Variants in TIMM23B observed in about 807,000 individuals in gnomAD.
The protein encoded by TIMM23B is translocase of inner mitochondrial membrane 23 homolog B.
A neutral mutation model predicts 27.3 loss-of-function variants in TIMM23B; 27 were observed. The observed-to-expected ratio is 0.99, with a 90% CI of 0.73 to 1.36. TIMM23B has a LOEUF of 1.36. Among genes scored for constraint, TIMM23B ranks in the 40% most tolerant of loss-of-function variants. TIMM23B has a pLI of 0.00. For synonymous variants in TIMM23B, 73 were observed against 92.4 expected, an observed-to-expected ratio of 0.79 and a Z score of 1.21; for missense variants, 205 against 244.2, an observed-to-expected ratio of 0.84 and a Z score of 1.07.
At chr10:49,959,993 C>G (rs1341963144) in intron 6 of TIMM23B, among the ~76,000 whole-genome samples, 10,500 of 151,282 alleles carry the variant, frequency 0.069, 515 homozygotes, top group African/African-American at 0.12. Flanking sequence ...AGGTGATCCA[C>G]CCTCCTCAGC....
At chr10:49,944,993 A>T in intron 1 of TIMM23B, 39 bp from the exon 2 acceptor site, 1 of 1,568,608 alleles carries the variant, frequency 6.4e-7, no homozygotes, top group Non-Finnish European at 8.8e-7. Flanking sequence ...ATTAACTTAA[A>T]GAATTTTGTT....
intron 2 of TIMM23B, among the ~76,000 whole-genome samples, chr10:49,948,539 A>G (rs1175373156): frequency 1.3e-5 from 2 of 152,246 alleles, no homozygotes; most frequent in African/African-American, 4.8e-5. Flanking sequence ...TTGGTAATAA[A>G]AAAAGAACTA....
chr10:49,950,204 T>C (rs1478528725), intron 2 of TIMM23B, among the ~76,000 whole-genome samples: 33 of 150,008 alleles, frequency 2.2e-4, no homozygotes, highest in African/African-American at 7.3e-4. Flanking sequence ...TTTTTTCTTT[T>C]TTTTTTTTTT....
intron 3 of TIMM23B, 56 bp from the exon 4 acceptor site, chr10:49,952,393 G>GT (rs1839561100): frequency 4.0e-4 from 614 of 1,528,988 alleles, no homozygotes; most frequent in African/African-American, 1.3e-3. Context: ...GCAGTTTTGA[G>GT]GTTTTTTTTT....
intron 6 of TIMM23B, among the ~76,000 whole-genome samples, chr10:49,961,531 T>G (rs1460068584): frequency 6.6e-6 from 1 of 152,046 alleles, no homozygotes; most frequent in African/African-American, 2.4e-5. Context: ...TGTCCTGGGC[T>G]CCCTCACCAC....
chr10:49,961,636 G>C lies in TIMM23B; in HGVS notation c.514+3156G>C, dbSNP rs1363011842. Among the ~76,000 whole-genome samples, 331 of 150,834 alleles carry C rather than the reference G, an allele frequency of 2.2e-3. 2 individuals carry two copies. The highest frequency in any genetic ancestry group is 7.8e-3 in the African/African-American group (320 of 41,040). Reference sequence around the variant, plus strand: ...TTTTTTTGAGTTGCGGTCTTGCTCTGTCACCCAGGCTAAAGTGCAGTGGTG... The same window carrying C: ...TTTTTTTGAGTTGCGGTCTTGCTCTCTCACCCAGGCTAAAGTGCAGTGGTG... On this transcript the variant is annotated intron_variant, in intron 6 of 6. Transcript: ENST00000651259.
Position 49,973,071 on chromosome 10 carries a change from C to A in TIMM23B, c.*7C>A, listed in dbSNP as rs1554856881. ...GCTGCTGTCTGGCTCCTGAACCCAG[C>A]TGTAGAGGTGTGTGTCAATCCCAAC... On this transcript the variant is annotated 3_prime_UTR_variant, in exon 7 of 7. Transcript: ENST00000651259. 2 of 1,533,198 alleles carry A rather than the reference C, an allele frequency of 1.3e-6. No individual in the cohort carries two copies. Among genetic ancestry groups the A allele is most frequent in the East Asian group, 4.9e-5 (2 of 40,916 alleles). The allele number at this position is 1,533,198 out of a possible 1,614,324, so 95.0% of individuals were successfully genotyped here. A position where few individuals can be genotyped will look rare whatever the true frequency, so the allele number is the denominator to read the frequency against.
chr10:49,974,438 T>A lies in TIMM23B; in HGVS notation c.*1374T>A, dbSNP rs2132080185. 1 of 149,178 alleles carries A rather than the reference T, an allele frequency of 6.7e-6. No individual in the cohort carries two copies. The highest frequency in any genetic ancestry group is 2.5e-5 in the African/African-American group (1 of 40,578). The allele number at this position is 149,178 out of a possible 1,614,324, so 9.2% of individuals were successfully genotyped here. ...ATCCATGTTTTTCCAAGTCTTACAG[T>A]AGAAAGGGTAAATGCAGCCCTCACA... On this transcript the variant is annotated 3_prime_UTR_variant, in exon 7 of 7. Coordinates refer to ENST00000651259, the MANE Select transcript of TIMM23B (RefSeq NM_001290117.2).
chr10:49,969,605 A>C (rs1363640346), intron 6 of TIMM23B, among the ~76,000 whole-genome samples: 7 of 151,608 alleles, frequency 4.6e-5, no homozygotes, highest in African/African-American at 1.7e-4. Flanking sequence ...AGGTGGGAAG[A>C]TCACTTGAGC....
intron 2 of TIMM23B, among the ~76,000 whole-genome samples, chr10:49,946,269 A>G (rs1299179435): frequency 1.2e-4 from 18 of 150,940 alleles, no homozygotes; most frequent in African/African-American, 4.2e-4. Flanking sequence ...AGCTAACATA[A>G]TTTAATGGTG....
At chr10:49,955,697 G>A (rs1839693778) in intron 5 of TIMM23B, among the ~76,000 whole-genome samples, 1 of 152,162 alleles carries the variant, frequency 6.6e-6, no homozygotes, top group Non-Finnish European at 1.5e-5. Context: ...GAACTTAGTT[G>A]AAAATCTCAA....
In TIMM23B at chr10:49,958,481, G is replaced by A. The variant is rs1364092682; in HGVS notation, c.514+1G>A. ...ACAGGCATGTTGTATAAATGTACAG[G>A]TGAGTACTGTTGAATGGGGAGCCAT... On this transcript the variant is annotated splice_donor_variant, in intron 6 of 6. Transcript: ENST00000651259. LOFTEE classifies it high-confidence loss of function. 4 of 1,610,378 alleles carry A rather than the reference G, an allele frequency of 2.5e-6. No homozygotes were observed. The African/African-American group carries it at 5.3e-5, about 22-fold the overall frequency.
At chr10:49,966,527 A>T (rs1298539651) in intron 6 of TIMM23B, among the ~76,000 whole-genome samples, 7 of 152,216 alleles carry the variant, frequency 4.6e-5, no homozygotes, top group Middle Eastern at 3.4e-3. Flanking sequence ...TTGAAATGAA[A>T]GAAATGAAAT....
At chr10:49,953,717 A>G (rs1238089416) in intron 4 of TIMM23B, among the ~76,000 whole-genome samples, 2 of 152,148 alleles carry the variant, frequency 1.3e-5, no homozygotes, top group East Asian at 3.9e-4. Context: ...ATCCTTCAAT[A>G]TTTTTATTAC....
intron 2 of TIMM23B, among the ~76,000 whole-genome samples, chr10:49,950,952 T>A (rs1360992005): frequency 2.6e-5 from 4 of 151,990 alleles, no homozygotes; most frequent in African/African-American, 9.7e-5. Flanking sequence ...CTTACCACAT[T>A]GAATCTAGCA....
In TIMM23B at chr10:49,948,985, T is replaced by C. The variant is rs1183764945; in HGVS notation, c.166-3141T>C. Among the ~76,000 whole-genome samples, 31 of 152,128 alleles carry C rather than the reference T, an allele frequency of 2.0e-4. 1 individual carries two copies. The highest frequency in any genetic ancestry group is 2.9e-5 in the Non-Finnish European group (2 of 68,026). ...TCACTGTAACCTCAAACTCCTAGGC[T>C]CAAGCGGTCCTTCTGCCTCATCCTC... On this transcript the variant is annotated intron_variant, in intron 2 of 6. Transcript: ENST00000651259.
At chr10:49,966,275 C>T (rs1191196444) in intron 6 of TIMM23B, among the ~76,000 whole-genome samples, 1 of 146,444 alleles carries the variant, frequency 6.8e-6, no homozygotes, top group Non-Finnish European at 1.5e-5. Context: ...GTCTCTGTCT[C>T]GAAATGAAAT....
intron 2 of TIMM23B, among the ~76,000 whole-genome samples, chr10:49,947,565 C>T (rs1441581371): frequency 6.6e-6 from 1 of 151,996 alleles, no homozygotes; most frequent in Non-Finnish European, 1.5e-5. Flanking sequence ...GCCGAGATCG[C>T]ACCACCCGCA....
intron 5 of TIMM23B, among the ~76,000 whole-genome samples, chr10:49,955,506 G>A (rs1454171275): frequency 7.2e-5 from 11 of 152,204 alleles, no homozygotes; most frequent in Admixed American, 2.0e-4. Context: ...GCACCTAATT[G>A]CCACAATTGG....
Sources: allele counts gnomAD v4.1 joint callset (sites outside exome capture counted in the v4.1 genomes callset), GRCh38; gene constraint gnomAD v4.1.1; transcripts MANE v1.5; gene names NCBI Gene and HGNC (gene_info 2026-07-23, HGNC 2026-07-21).